The following STARD13 variants were observed in gnomAD, a reference collection of about 807,000 sequenced individuals.
The protein encoded by STARD13 is StAR related lipid transfer domain containing 13.
In STARD13, 62 loss-of-function variants were observed where a neutral mutation model predicts 106.4. That is an observed-to-expected ratio of 0.58 (90% CI 0.48 to 0.72). The LOEUF (loss-of-function observed/expected upper bound fraction) is 0.72. STARD13 is among the 30% of genes least tolerant of loss of function. The pLI, the probability that STARD13 is intolerant of heterozygous loss-of-function variation, is 0.00. For synonymous variants in STARD13, 565 were observed against 553.0 expected (o/e 1.02, Z -0.31); for missense variants, 1,387 against 1,424.0 (o/e 0.97, Z 0.42).
At chr13:33,501,122 TG>T in the STARD13 span, among the ~76,000 whole-genome samples, 2 of 147,166 alleles carry the variant, frequency 1.4e-5, no homozygotes, top group African/African-American at 5.1e-5. Context: ...TTTGCTCTGT[TG>T]CTCAGGCTGG....
intron 10 of STARD13, 101 bp downstream of exon 10, chr13:33,111,677 A>G (rs950103748): frequency 9.5e-6 from 7 of 737,102 alleles, no homozygotes; most frequent in South Asian, 1.7e-5. Flanking sequence ...TCATAAAATC[A>G]GGAACAAACA....
At chr13:33,361,578 G>A in the STARD13 span, among the ~76,000 whole-genome samples, 2 of 152,174 alleles carry the variant, frequency 1.3e-5, no homozygotes, top group Admixed American at 1.3e-4. Flanking sequence ...AATTTATAAA[G>A]AAAAGAGGTT....
chr13:33,326,950 G>A (rs2077782658), intron 1 of STARD13, among the ~76,000 whole-genome samples: 2 of 152,168 alleles, frequency 1.3e-5, no homozygotes, highest in African/African-American at 4.8e-5. Context: ...AAGTTCCTAA[G>A]CCTGTGTGAA....
chr13:33,555,761 A>G, the STARD13 span, among the ~76,000 whole-genome samples: 1 of 152,234 alleles, frequency 6.6e-6, no homozygotes, highest in African/African-American at 2.4e-5. Flanking sequence ...CACTTAAAAA[A>G]TTGAGATAAT....
the STARD13 span, among the ~76,000 whole-genome samples, chr13:33,559,625 G>T: frequency 6.6e-6 from 1 of 151,474 alleles, no homozygotes. Context: ...GGAGGCCGAG[G>T]CGGGCAGATC....
the STARD13 span, among the ~76,000 whole-genome samples, chr13:33,459,628 G>C: frequency 4.6e-5 from 7 of 152,104 alleles, no homozygotes; most frequent in Admixed American, 4.6e-4. Flanking sequence ...AGGTGAAATC[G>C]TATGATAGGT....
At chr13:33,417,176 C>T in the STARD13 span, among the ~76,000 whole-genome samples, 1 of 152,060 alleles carries the variant, frequency 6.6e-6, no homozygotes, top group Non-Finnish European at 1.5e-5. Flanking sequence ...AATGAGATAA[C>T]AATTTCATAT....
chr13:33,336,889 C>A (rs930127525), intron 1 of STARD13, among the ~76,000 whole-genome samples: 2 of 151,748 alleles, frequency 1.3e-5, no homozygotes, highest in Admixed American at 1.3e-4. Context: ...CCAGAAATAT[C>A]AGGTTGGTGA....
Position 33,274,315 on chromosome 13 carries a change from G to A in STARD13, c.169+11155C>T, listed in dbSNP as rs985528908. On this transcript the variant is annotated intron_variant, in intron 1 of 13. Coordinates refer to ENST00000336934, the MANE Select transcript of STARD13 (RefSeq NM_178006.4). ...TACGACTGGTGTCTTTACAAGAGGA[G>A]ATTAAGACACAGACACACACAGAAG... is the stretch of plus-strand genomic sequence containing the variant. Among the ~76,000 whole-genome samples, 4 of 152,162 alleles carry A rather than the reference G, an allele frequency of 2.6e-5. No individual in the cohort carries two copies. In the East Asian group the frequency reaches 5.8e-4, roughly 22 times the overall value.
chr13:33,253,397 G>A (rs2138293742), intron 1 of STARD13, among the ~76,000 whole-genome samples: 1 of 152,272 alleles, frequency 6.6e-6, no homozygotes, highest in East Asian at 1.9e-4. Flanking sequence ...AAACATGCCT[G>A]GAAATAATAT....
At chr13:33,222,038 A>T (rs1051536091) in intron 1 of STARD13, among the ~76,000 whole-genome samples, 1 of 152,040 alleles carries the variant, frequency 6.6e-6, no homozygotes, top group African/African-American at 2.4e-5. Flanking sequence ...AGTCCTAGCT[A>T]CTCAGGAGGC....
At chr13:33,490,440 C>A in the STARD13 span, among the ~76,000 whole-genome samples, 4 of 152,254 alleles carry the variant, frequency 2.6e-5, no homozygotes, top group East Asian at 5.8e-4. Context: ...CAGAGCAGAC[C>A]AGCAGGTGAG....
At chr13:33,300,910 G>T (rs117592795) in intron 1 of STARD13, among the ~76,000 whole-genome samples, 2 of 152,062 alleles carry the variant, frequency 1.3e-5, no homozygotes, top group East Asian at 3.9e-4. Context: ...TTGAACATGC[G>T]CTTCCCTCGT....
At chr13:33,516,541 C>T in the STARD13 span, among the ~76,000 whole-genome samples, 1 of 151,886 alleles carries the variant, frequency 6.6e-6, no homozygotes, top group Non-Finnish European at 1.5e-5. Context: ...TTAATTTTTT[C>T]TCATTATTCT....
the STARD13 span, among the ~76,000 whole-genome samples, chr13:33,673,506 T>C: frequency 6.8e-6 from 1 of 147,172 alleles, no homozygotes; most frequent in Non-Finnish European, 1.5e-5. Flanking sequence ...TATACATTAG[T>C]TTTTTTTCTT....
chr13:33,285,640 T>G lies in STARD13; in HGVS notation c.-2A>C. ...GGTCCTGGGCACCTGACTGAACATCTCGGCAGATTTCCTATTGCCACCTCA... is the reference window on the plus strand; with the variant it reads ...GGTCCTGGGCACCTGACTGAACATCGCGGCAGATTTCCTATTGCCACCTCA... On this transcript the variant is annotated 5_prime_UTR_variant, in exon 1 of 14. Transcript: ENST00000336934. The G allele has an allele frequency of 6.2e-7, 1 of 1,612,280 alleles. No homozygotes were observed.
chr13:33,186,606 T>C (rs1358001670), intron 1 of STARD13, among the ~76,000 whole-genome samples: 2 of 152,182 alleles, frequency 1.3e-5, no homozygotes, highest in African/African-American at 2.4e-5. Flanking sequence ...GTGATCTCTT[T>C]TAAGCTTTAT....
chr13:33,247,247 G>A (rs1889871753), intron 1 of STARD13, among the ~76,000 whole-genome samples: 1 of 151,640 alleles, frequency 6.6e-6, no homozygotes, highest in Non-Finnish European at 1.5e-5. Context: ...TAAATAAAAC[G>A]GCTGGAAAAA....
At chr13:33,609,043 G>A in the STARD13 span, among the ~76,000 whole-genome samples, 10 of 131,774 alleles carry the variant, frequency 7.6e-5, no homozygotes, top group Admixed American at 2.6e-4. Flanking sequence ...CCGAGATTGC[G>A]CCACTGCACT....
Sources: gnomAD v4.1 joint callset for allele counts (sites outside exome capture counted in the v4.1 genomes callset) on GRCh38, gnomAD v4.1.1 for gene constraint, MANE v1.5 for transcripts, NCBI Gene and HGNC (gene_info 2026-07-23, HGNC 2026-07-21) for gene names.